The following MTSS1 variants were observed in gnomAD, a reference collection of about 807,000 sequenced individuals.
MTSS1 encodes the protein protein MTSS 1.
A neutral mutation model predicts 79.0 loss-of-function variants in MTSS1; 18 were observed. The ratio of observed to expected loss-of-function variants is 0.23; its 90% CI spans 0.16 to 0.34. MTSS1 has a LOEUF of 0.34. Among genes scored for constraint, MTSS1 ranks in the 10% least tolerant of loss-of-function variants. MTSS1 has a pLI of 1.00. For synonymous variants in MTSS1, 341 were observed against 368.6 expected, an observed-to-expected ratio of 0.93 and a Z score of 0.86; for missense variants, 815 against 986.2, an observed-to-expected ratio of 0.83 and a Z score of 2.33.
In MTSS1 at chr8:124,631,313, C is replaced by T. The variant is rs553166586; in HGVS notation, c.209-40078G>A. Among the ~76,000 whole-genome samples, 17 of 152,330 alleles carry T rather than the reference C, an allele frequency of 1.1e-4. No homozygotes were observed. The South Asian group carries it at 3.5e-3, about 32-fold the overall frequency. On this transcript the variant is annotated intron_variant, in intron 3 of 13. Transcript: ENST00000518547. ...CCAATCTCCCTAATGACACAAAACG[C>T]CCTTTACTTCCAGAGCCAGCAAACA...
At position 124,557,727 on chromosome 8, in the gene MTSS1, G is replaced by T. The variant is rs1304755241; in HGVS notation, c.1184C>A (p.Thr395Asn). The change falls in exon 11 of 14, where the codon ACC (threonine) becomes AAC (asparagine). Residue 395 changes from threonine to asparagine, a missense_variant. Thr to Asn is a moderately conservative substitution (Grantham distance 65). Transcript: ENST00000518547. ...TGACGGGAACATGCCGGGCCCAATGGTGTAATAATGAGCGTAGTCTGGAAG... is the reference window on the plus strand; with the variant it reads ...TGACGGGAACATGCCGGGCCCAATGTTGTAATAATGAGCGTAGTCTGGAAG... ...VHLPDYAHYYTIGPGMFPSSQ... is the reference protein window; with the variant it reads ...VHLPDYAHYYNIGPGMFPSSQ... The T allele has an allele frequency of 6.3e-7, 1 of 1,599,236 alleles. No individual in the cohort carries two copies. Among genetic ancestry groups the T allele is most frequent in the Non-Finnish European group, 8.5e-7 (1 of 1,172,850 alleles).
At chr8:124,658,520 T>G (rs986150285) in intron 3 of MTSS1, among the ~76,000 whole-genome samples, 4 of 152,168 alleles carry the variant, frequency 2.6e-5, no homozygotes, top group Admixed American at 2.0e-4. Flanking sequence ...TTGGATAATT[T>G]ATAAAGAAAA....
chr8:124,593,290 C>A (rs1832175696), intron 3 of MTSS1, among the ~76,000 whole-genome samples: 1 of 152,248 alleles, frequency 6.6e-6, no homozygotes, highest in Admixed American at 6.5e-5. Flanking sequence ...AGGAAACTGG[C>A]ACACTCACTC....
intron 1 of MTSS1, among the ~76,000 whole-genome samples, chr8:124,716,439 T>C (rs190346602): frequency 1.3e-5 from 2 of 152,298 alleles, no homozygotes; most frequent in Non-Finnish European, 1.5e-5. Flanking sequence ...GTGCGGGAGA[T>C]AGCTCCCTAC....
chr8:124,605,207 T>C (rs1019472417), intron 3 of MTSS1, among the ~76,000 whole-genome samples: 1 of 152,176 alleles, frequency 6.6e-6, no homozygotes, highest in African/African-American at 2.4e-5. Flanking sequence ...CTCTGCTGCA[T>C]GGGCACAGAA....
intron 3 of MTSS1, among the ~76,000 whole-genome samples, chr8:124,596,836 G>C (rs1011635681): frequency 1.3e-5 from 2 of 152,118 alleles, no homozygotes; most frequent in Non-Finnish European, 2.9e-5. Flanking sequence ...CTCACGGCCT[G>C]TGTGTGTCCA....
chr8:124,571,628 A>G (rs1004615763), intron 6 of MTSS1, among the ~76,000 whole-genome samples: 4 of 145,724 alleles, frequency 2.7e-5, no homozygotes, highest in South Asian at 2.1e-4. Flanking sequence ...TGTTTGACCA[A>G]ACTTGCTCGG....
chr8:124,664,693 G>A (rs1032997345), intron 3 of MTSS1, among the ~76,000 whole-genome samples: 5 of 152,160 alleles, frequency 3.3e-5, no homozygotes, highest in African/African-American at 7.2e-5. Context: ...CGCAACGAGA[G>A]CACTTGACTA....
At chr8:124,658,558 TG>T (rs1233307223) in intron 3 of MTSS1, among the ~76,000 whole-genome samples, 2 of 152,214 alleles carry the variant, frequency 1.3e-5, no homozygotes, top group African/African-American at 4.8e-5. Context: ...TTCCACAGGC[TG>T]TACAGGAAGC....
chr8:124,622,970 G>A (rs1813899858), intron 3 of MTSS1, among the ~76,000 whole-genome samples: 1 of 152,170 alleles, frequency 6.6e-6, no homozygotes, highest in Non-Finnish European at 1.5e-5. Flanking sequence ...CCAAGGCAAA[G>A]TCAGAGCACA....
At chr8:124,652,262 C>T (rs1820100488) in intron 3 of MTSS1, among the ~76,000 whole-genome samples, 1 of 152,152 alleles carries the variant, frequency 6.6e-6, no homozygotes, top group Non-Finnish European at 1.5e-5. Context: ...CAACCTCTGC[C>T]TCCCAGGTTC....
intron 3 of MTSS1, among the ~76,000 whole-genome samples, chr8:124,696,885 G>A (rs2135358691): frequency 6.6e-6 from 1 of 151,832 alleles, no homozygotes; most frequent in South Asian, 2.1e-4. Context: ...TGTCAAAGCA[G>A]GAGTTTGTTC....
chr8:124,657,360 T>G (rs561571710), intron 3 of MTSS1, among the ~76,000 whole-genome samples: 43 of 152,192 alleles, frequency 2.8e-4, no homozygotes, highest in African/African-American at 9.9e-4. Context: ...ATTGTCTTTT[T>G]TGTGTGTGTG....
intron 3 of MTSS1, among the ~76,000 whole-genome samples, chr8:124,639,242 G>T (rs1353767666): frequency 6.6e-6 from 1 of 152,150 alleles, no homozygotes; most frequent in Non-Finnish European, 1.5e-5. Context: ...GGAGGCTGCG[G>T]CAGGAGAATC....
intron 1 of MTSS1, among the ~76,000 whole-genome samples, chr8:124,717,464 C>A (rs1210706109): frequency 6.6e-6 from 1 of 150,762 alleles, no homozygotes; most frequent in Non-Finnish European, 1.5e-5. Context: ...CCACTGCACA[C>A]TCCGGCCTGG....
intron 3 of MTSS1, among the ~76,000 whole-genome samples, chr8:124,613,046 G>T (rs769654175): frequency 6.6e-6 from 1 of 152,126 alleles, no homozygotes; most frequent in Admixed American, 6.5e-5. Context: ...CTGAAGGTAT[G>T]CATCTATACC....
chr8:124,576,556 G>A (rs1324264330), intron 6 of MTSS1, among the ~76,000 whole-genome samples: 1 of 152,220 alleles, frequency 6.6e-6, no homozygotes, highest in Non-Finnish European at 1.5e-5. Flanking sequence ...TAGCACAGAG[G>A]AGGCTTGTCA....
intron 3 of MTSS1, among the ~76,000 whole-genome samples, chr8:124,650,099 C>T (rs941243113): frequency 2.6e-5 from 4 of 151,026 alleles, no homozygotes; most frequent in Non-Finnish European, 4.4e-5. Flanking sequence ...GGTGCAATTT[C>T]GGCTCACTGC....
chr8:124,725,526 C>G (rs2135887663), intron 1 of MTSS1, among the ~76,000 whole-genome samples: 1 of 152,262 alleles, frequency 6.6e-6, no homozygotes, highest in South Asian at 2.1e-4. Context: ...AGATGGCATT[C>G]CAAATGGGTT....
Sources: allele counts gnomAD v4.1 joint callset (sites outside exome capture counted in the v4.1 genomes callset), GRCh38; gene constraint gnomAD v4.1.1; transcripts MANE v1.5; gene names NCBI Gene and HGNC (gene_info 2026-07-23, HGNC 2026-07-21).